ANXA3: variants seen among roughly 807,000 people sequenced by gnomAD.
ANXA3 encodes 35-alpha calcimedin.
In ANXA3, 46 loss-of-function variants were observed where a neutral mutation model predicts 48.8. That is an observed-to-expected ratio of 0.94 (90% CI 0.74 to 1.21). The LOEUF (loss-of-function observed/expected upper bound fraction) is 1.21. ANXA3 is among the 50% of genes most tolerant of loss of function. The pLI is 0.00. For missense variants in ANXA3, 383 were observed against 378.6 expected, an observed-to-expected ratio of 1.01 and a Z score of -0.10; for synonymous variants, 128 against 134.7, an observed-to-expected ratio of 0.95 and a Z score of 0.35.
rs753047645 is a variant in ANXA3 at position 78,604,291 on chromosome 4, T to C, written c.804T>C (p.Asp268=). The C allele has an allele frequency of 3.1e-6, 5 of 1,611,538 alleles. No homozygotes were observed. Among genetic ancestry groups the C allele is most frequent in the Non-Finnish European group, 4.2e-6 (5 of 1,178,332 alleles). The change falls in exon 12 of 13, where the codon GAT becomes GAC. Residue 268 remains aspartate (D), a synonymous_variant. Transcript: ENST00000264908. ...TTCCTTAACAGGGTATTGGAACTGA[T>C]GAGTTTACTCTGAACCGAATAATGG... ...LHRALKGIGT[D]EFTLNRIMVS... is the part of the protein sequence containing the mutation.
At position 78,579,106 on chromosome 4, in the gene ANXA3, A is replaced by G. The variant is rs763444310; in HGVS notation, c.183A>G (p.Gln61=). 2.5e-6 allele frequency: 4 copies of G among 1,610,620 alleles called. No individual in the cohort carries two copies. Among genetic ancestry groups the G allele is most frequent in the Non-Finnish European group, 2.5e-6 (3 of 1,177,224 alleles). The part of the protein sequence containing the change: ...AQRQLIVKEY[Q]AAYGKELKDD... ...GGCAGCTGATTGTTAAGGAATATCA[A>G]GCAGCATATGGAAAGGTAAGGTCAC... The change falls in exon 4 of 13, where the codon CAA becomes CAG. Residue 61 remains glutamine (Q), a synonymous_variant. Coordinates refer to ENST00000264908, the MANE Select transcript of ANXA3 (RefSeq NM_005139.3).
chr4:78,591,244 TCCACCCCA>T (rs1723289558), intron 6 of ANXA3, among the ~76,000 whole-genome samples: 2 of 152,220 alleles, frequency 1.3e-5, no homozygotes, highest in Admixed American at 1.3e-4. Context: ...TAGTAGCTCA[TCCACCCCA>T]GCTTTTCCAC....
intron 11 of ANXA3, chr4:78,602,817 C>A (rs149765897): frequency 6.6e-6 from 1 of 152,496 alleles, no homozygotes; most frequent in Non-Finnish European, 1.5e-5. Flanking sequence ...AGAATGGCCC[C>A]AACAGGAATT....
intron 2 of ANXA3, among the ~76,000 whole-genome samples, chr4:78,561,427 C>G (rs969032295): frequency 1.3e-5 from 2 of 151,980 alleles, no homozygotes; most frequent in Non-Finnish European, 2.9e-5. Flanking sequence ...AAATTCTGTC[C>G]CATAGAAGAC....
chr4:78,560,037 T>A (rs1722594604), intron 2 of ANXA3, among the ~76,000 whole-genome samples: 1 of 152,218 alleles, frequency 6.6e-6, no homozygotes, highest in Non-Finnish European at 1.5e-5. Flanking sequence ...CCTCTCCCCA[T>A]TGGAATGGTT....
intron 12 of ANXA3, among the ~76,000 whole-genome samples, chr4:78,607,113 G>C (rs548104464): frequency 6.6e-6 from 1 of 152,182 alleles, no homozygotes; most frequent in Admixed American, 6.5e-5. Context: ...TTCCCCAGTG[G>C]TCTGGGTAAT....
At chr4:78,600,302 T>C (rs1216316577) in intron 10 of ANXA3, among the ~76,000 whole-genome samples, 2 of 152,122 alleles carry the variant, frequency 1.3e-5, no homozygotes, top group East Asian at 3.8e-4. Flanking sequence ...CACTGAAACA[T>C]ACTGCCACCT....
chr4:78,575,456 T>C (rs1301132580), intron 3 of ANXA3, among the ~76,000 whole-genome samples: 3 of 152,154 alleles, frequency 2.0e-5, no homozygotes, highest in Admixed American at 6.6e-5. Context: ...GCTGTTCTCA[T>C]GATAGTGAAT....
At chr4:78,591,648 A>G in intron 7 of ANXA3, 25 bp downstream of exon 7, 1 of 1,528,788 alleles carries the variant, frequency 6.5e-7, no homozygotes, top group Non-Finnish European at 9.1e-7. Context: ...TTTATTTTTT[A>G]ACTCCCCAGT....
chr4:78,598,404 G>A (rs1310776940), intron 10 of ANXA3, among the ~76,000 whole-genome samples: 9 of 151,910 alleles, frequency 5.9e-5, no homozygotes, highest in Admixed American at 5.9e-4. Flanking sequence ...AGCCGAGGAG[G>A]CTAAGAAAGG....
intron 4 of ANXA3, 95 bp downstream of exon 4, chr4:78,579,216 G>A: frequency 2.5e-6 from 2 of 793,504 alleles, no homozygotes; most frequent in Non-Finnish European, 4.1e-6. Context: ...GTTTCAGGCT[G>A]AGTGTAACAG....
intron 3 of ANXA3, among the ~76,000 whole-genome samples, chr4:78,574,726 A>G (rs1321082674): frequency 6.6e-6 from 1 of 152,208 alleles, no homozygotes; most frequent in East Asian, 1.9e-4. Flanking sequence ...ATGGTAGTCT[A>G]TTGCATCACT....
At position 78,591,561 on chromosome 4, in the gene ANXA3, G is replaced by A. The variant is rs1372876727; in HGVS notation, c.421G>A (p.Gly141Arg). 2 of 1,612,606 alleles carry A rather than the reference G, an allele frequency of 1.2e-6. No homozygotes were observed. The highest frequency in any genetic ancestry group is 1.7e-6 in the Non-Finnish European group (2 of 1,178,898). ...AYYTVYKKSL[G>R]DDISSETSGD... ...GGTTTCAGTATACAAGAAGAGTCTT[G>A]GAGATGACATTAGTTCCGAAACATC... Residue 141 changes from glycine (G) to arginine (R), a missense_variant, in exon 7 of 13, where the codon GGA becomes AGA. By Grantham distance (125) the Gly-to-Arg change is moderately radical. Transcript: ENST00000264908.
chr4:78,571,993 A>G (rs1012181123), intron 2 of ANXA3, among the ~76,000 whole-genome samples: 7 of 152,246 alleles, frequency 4.6e-5, no homozygotes, highest in African/African-American at 1.7e-4. Flanking sequence ...TGGATCATTT[A>G]GTCTGGGATT....
intron 3 of ANXA3, among the ~76,000 whole-genome samples, 184 bp from the exon 4 acceptor site, chr4:78,578,843 C>T (rs1381633859): frequency 2.1e-5 from 3 of 145,794 alleles, no homozygotes; most frequent in Non-Finnish European, 4.4e-5. Context: ...TTCCAAAACT[C>T]AGGCAAACAA....
chr4:78,576,792 C>T (rs115509341), intron 3 of ANXA3, among the ~76,000 whole-genome samples: 9 of 152,246 alleles, frequency 5.9e-5, no homozygotes, highest in East Asian at 3.9e-4. Context: ...GGTATCATAA[C>T]GGTGTTTGCA....
chr4:78,554,272 G>A (rs1722464069), intron 1 of ANXA3, among the ~76,000 whole-genome samples, 164 bp from the exon 2 acceptor site: 1 of 152,166 alleles, frequency 6.6e-6, no homozygotes, highest in Non-Finnish European at 1.5e-5. Flanking sequence ...GTAAATGTTT[G>A]TTTAGCAAAT....
chr4:78,587,545 G>C (rs1723204180), intron 6 of ANXA3, among the ~76,000 whole-genome samples: 1 of 152,176 alleles, frequency 6.6e-6, no homozygotes, highest in African/African-American at 2.4e-5. Flanking sequence ...AGTACTTTAA[G>C]GGAGCCACAG....
chr4:78,579,688 G>A (rs1257687550), intron 4 of ANXA3, among the ~76,000 whole-genome samples: 1 of 152,174 alleles, frequency 6.6e-6, no homozygotes, highest in Admixed American at 6.6e-5. Context: ...AGTAACTTTG[G>A]GAGGCTGAGG....
Sources: gnomAD v4.1 joint callset for allele counts (sites outside exome capture counted in the v4.1 genomes callset) on GRCh38, gnomAD v4.1.1 for gene constraint, MANE v1.5 for transcripts, NCBI Gene and HGNC (gene_info 2026-07-23, HGNC 2026-07-21) for gene names.